Variants in SORCS2 observed in about 807,000 individuals in gnomAD.
SORCS2 encodes sortilin related VPS10 domain containing receptor 2.
In SORCS2, 100 loss-of-function variants were observed where a neutral mutation model predicts 141.6. That is an observed-to-expected ratio of 0.71 (90% confidence interval 0.60 to 0.83). The LOEUF is 0.83. SORCS2 is among the 40% of genes least tolerant of loss of function. The probability of loss-of-function intolerance (pLI) is 0.00; values close to 1 mark genes in which losing one functional copy is unlikely to be tolerated. For missense variants in SORCS2, 1,646 were observed against 1,560.2 expected (o/e 1.05, Z -0.93); for synonymous variants, 789 against 676.9 (o/e 1.17, Z -2.57).
At position 7,518,348 on chromosome 4, in the gene SORCS2, C is replaced by A. The variant is rs535650385; in HGVS notation, c.549-13182C>A. 3.9e-5 allele frequency among the ~76,000 whole-genome samples: 6 copies of A among 152,254 alleles called. No homozygotes were observed. The East Asian group carries it at 1.2e-3, about 29-fold the overall frequency. On this transcript the variant is annotated intron_variant, in intron 2 of 26. Transcript: ENST00000507866. ...CTGTAACTTGGCGGCTCACACGCAC[C>A]CTCTTTGGGCTTCTCCAGCTCTGCC... is the stretch of plus-strand genomic sequence containing the variant.
At position 7,210,222 on chromosome 4, in the gene SORCS2, C is replaced by T. The variant is rs1475662518; in HGVS notation, c.480+17096C>T. ...AGGCTGGGCCCCCGGTCATCTTTGG[C>T]GCCCACCCACTCACTTCCTCTGTGT... On this transcript the variant is annotated intron_variant, in intron 1 of 26. Transcript: ENST00000507866. 6.6e-5 allele frequency among the ~76,000 whole-genome samples: 10 copies of T among 152,202 alleles called. No individual in the cohort carries two copies. The East Asian group carries it at 7.7e-4, about 12-fold the overall frequency.
chr4:7,325,807 C>T (rs1054228368), intron 1 of SORCS2, among the ~76,000 whole-genome samples: 10 of 152,184 alleles, frequency 6.6e-5, no homozygotes, highest in African/African-American at 2.4e-4. Context: ...GCTCTTCAGG[C>T]ACAGAGACAC....
chr4:7,402,627 A>G (rs1455090033), intron 2 of SORCS2, among the ~76,000 whole-genome samples: 3 of 152,218 alleles, frequency 2.0e-5, no homozygotes, highest in Non-Finnish European at 4.4e-5. Flanking sequence ...ACACGTCTCC[A>G]GTCAGATGCT....
At chr4:7,633,581 G>GAATGAATGAATC (rs1720036939) in intron 3 of SORCS2, among the ~76,000 whole-genome samples, 1 of 152,152 alleles carries the variant, frequency 6.6e-6, no homozygotes, top group South Asian at 2.1e-4. Context: ...GTGAAAGAAT[G>GAATGAATGAATC]AATGAATGAG....
intron 1 of SORCS2, among the ~76,000 whole-genome samples, chr4:7,386,451 A>T (rs1182628308): frequency 1.1e-5 from 1 of 91,518 alleles, no homozygotes; most frequent in Non-Finnish European, 2.2e-5. Flanking sequence ...AGAGATACAC[A>T]TGTGCACGCA....
chr4:7,214,235 G>T (rs1002907894), intron 1 of SORCS2, among the ~76,000 whole-genome samples: 1 of 152,200 alleles, frequency 6.6e-6, no homozygotes, highest in African/African-American at 2.4e-5. Flanking sequence ...TGGGAGGTGG[G>T]ACCTTGAAGA....
chr4:7,421,591 TG>T (rs981889755), intron 2 of SORCS2, among the ~76,000 whole-genome samples: 15 of 150,338 alleles, frequency 1.0e-4, no homozygotes, highest in Admixed American at 3.3e-4. Context: ...AATGGGAGTG[TG>T]GGGGGTGAGG....
At chr4:7,565,798 T>A (rs890248379) in intron 3 of SORCS2, among the ~76,000 whole-genome samples, 1 of 150,202 alleles carries the variant, frequency 6.7e-6, no homozygotes, top group African/African-American at 2.4e-5. Context: ...GATATGATGA[T>A]GATGGTGATG....
intron 1 of SORCS2, among the ~76,000 whole-genome samples, chr4:7,227,105 T>G (rs1329775945): frequency 1.3e-5 from 2 of 152,196 alleles, no homozygotes; most frequent in Admixed American, 1.3e-4. Context: ...GTGGGTACTC[T>G]TATGCACTTG....
At chr4:7,693,585 C>T (rs28549221) in intron 11 of SORCS2, among the ~76,000 whole-genome samples, 2,325 of 152,332 alleles carry the variant, frequency 0.015, 62 homozygotes, top group African/African-American at 0.053. Context: ...ATCATCCAGA[C>T]GTCCTCAGGA....
At chr4:7,458,954 G>T (rs1577599079) in intron 2 of SORCS2, among the ~76,000 whole-genome samples, 2 of 152,194 alleles carry the variant, frequency 1.3e-5, no homozygotes, top group African/African-American at 4.8e-5. Context: ...TGGCTGCGGG[G>T]ACTGGGCTTG....
intron 2 of SORCS2, among the ~76,000 whole-genome samples, chr4:7,496,672 G>T (rs938692913): frequency 6.6e-6 from 1 of 152,072 alleles, no homozygotes; most frequent in Admixed American, 6.6e-5. Flanking sequence ...TAAATTTATA[G>T]CAGGGATTCA....
chr4:7,298,425 A>G (rs1379677891), intron 1 of SORCS2, among the ~76,000 whole-genome samples: 1 of 152,154 alleles, frequency 6.6e-6, no homozygotes, highest in Non-Finnish European at 1.5e-5. Context: ...ACATACAAGC[A>G]ACAGTGCAGA....
chr4:7,507,284 C>T (rs1206420689), intron 2 of SORCS2, among the ~76,000 whole-genome samples: 3 of 152,234 alleles, frequency 2.0e-5, no homozygotes, highest in East Asian at 3.9e-4. Context: ...AAGTGATTCC[C>T]CTGCCTCAGC....
intron 3 of SORCS2, among the ~76,000 whole-genome samples, chr4:7,541,139 C>A (rs945044816): frequency 6.6e-6 from 1 of 152,232 alleles, no homozygotes; most frequent in Non-Finnish European, 1.5e-5. Context: ...GTGAGACTGG[C>A]ATTACACTTC....
At chr4:7,195,177 TG>T (rs1727098475) in intron 1 of SORCS2, among the ~76,000 whole-genome samples, 1 of 38,144 alleles carries the variant, frequency 2.6e-5, no homozygotes, top group Non-Finnish European at 4.0e-5. Flanking sequence ...GGCAGGTGTG[TG>T]TGTGTGTGTG....
intron 1 of SORCS2, among the ~76,000 whole-genome samples, chr4:7,388,076 A>G (rs1021396863): frequency 1.7e-5 from 1 of 59,672 alleles, no homozygotes; most frequent in African/African-American, 8.3e-5. Flanking sequence ...ACACAGAGAT[A>G]CACACACACA....
At chr4:7,375,388 C>T (rs1722574037) in intron 1 of SORCS2, among the ~76,000 whole-genome samples, 1 of 152,248 alleles carries the variant, frequency 6.6e-6, no homozygotes, top group African/African-American at 2.4e-5. Flanking sequence ...TCTCATGCTA[C>T]ATCCCGTGTT....
At chr4:7,243,903 C>T (rs1281327881) in intron 1 of SORCS2, among the ~76,000 whole-genome samples, 1 of 151,958 alleles carries the variant, frequency 6.6e-6, no homozygotes, top group Non-Finnish European at 1.5e-5. Context: ...CTCCCTGGCA[C>T]GCAGCAGGCC....
Sources: allele counts gnomAD v4.1 joint callset (sites outside exome capture counted in the v4.1 genomes callset), GRCh38; gene constraint gnomAD v4.1.1; transcripts MANE v1.5; gene names NCBI Gene and HGNC (gene_info 2026-07-23, HGNC 2026-07-21).